KIF16B: variants seen among roughly 807,000 people sequenced by gnomAD.
The protein encoded by KIF16B is kinesin-like protein KIF16B.
A neutral mutation model predicts 156.3 loss-of-function variants in KIF16B; 98 were observed. The ratio of observed to expected loss-of-function variants is 0.63; its 90% CI spans 0.53 to 0.74. KIF16B has a LOEUF of 0.74. KIF16B is among the 30% of genes least tolerant of loss of function. The pLI is 0.00. For synonymous variants in KIF16B, 564 were observed against 583.7 expected, an observed-to-expected ratio of 0.97 and a Z score of 0.49; for missense variants, 1,421 against 1,606.5, an observed-to-expected ratio of 0.88 and a Z score of 1.97.
chr20:16,372,972 A>G (rs2064859641), intron 20 of KIF16B, among the ~76,000 whole-genome samples: 1 of 152,216 alleles, frequency 6.6e-6, no homozygotes, highest in African/African-American at 2.4e-5. Flanking sequence ...TGCTGGGATT[A>G]TAGGCGTCAG....
At chr20:16,571,201 G>C (rs560656814) in intron 1 of KIF16B, among the ~76,000 whole-genome samples, 2 of 151,994 alleles carry the variant, frequency 1.3e-5, no homozygotes, top group Non-Finnish European at 2.9e-5. Flanking sequence ...CTCTACACTC[G>C]CATTCTTCCC....
rs369889228 is a variant in KIF16B at position 16,561,322 on chromosome 20, T to C, written c.47+11907A>G. Reference sequence around the variant, plus strand: ...AAAAAGTAGTAGAGAGTAGAAAATATCAGCATGCATTGAGCAGATGAATGT... The same window carrying C: ...AAAAAGTAGTAGAGAGTAGAAAATACCAGCATGCATTGAGCAGATGAATGT... On this transcript the variant is annotated intron_variant, in intron 1 of 25. Coordinates refer to ENST00000354981, the MANE Select transcript of KIF16B (RefSeq NM_024704.5). 6.2e-4 allele frequency among the ~76,000 whole-genome samples: 95 copies of C among 152,194 alleles called. 1 individual carries two copies. The South Asian group carries it at 0.015, about 25-fold the overall frequency.
At chr20:16,563,738 G>A (rs531019496) in intron 1 of KIF16B, among the ~76,000 whole-genome samples, 26 of 152,226 alleles carry the variant, frequency 1.7e-4, no homozygotes, top group African/African-American at 6.3e-4. Context: ...TAAAGCAACA[G>A]AAGTTTAAAA....
At chr20:16,298,961 A>G (rs1310792848) in intron 25 of KIF16B, among the ~76,000 whole-genome samples, 1 of 152,176 alleles carries the variant, frequency 6.6e-6, no homozygotes, top group African/African-American at 2.4e-5. Flanking sequence ...AGAAAGACGT[A>G]TCAACCAATG....
chr20:16,460,667 T>C (rs2067323056), intron 12 of KIF16B, among the ~76,000 whole-genome samples: 1 of 151,314 alleles, frequency 6.6e-6, no homozygotes, highest in African/African-American at 2.4e-5. Flanking sequence ...ATCCAATAGA[T>C]AAATCAAAAT....
chr20:16,307,153 T>C (rs2063552560), intron 25 of KIF16B, among the ~76,000 whole-genome samples: 1 of 152,222 alleles, frequency 6.6e-6, no homozygotes, highest in Non-Finnish European at 1.5e-5. Context: ...AGCTTCTTAC[T>C]TCCAAAAGTG....
intron 17 of KIF16B, among the ~76,000 whole-genome samples, chr20:16,400,407 G>A (rs375267065): frequency 5.3e-5 from 8 of 152,298 alleles, no homozygotes; most frequent in Middle Eastern, 3.4e-3. Context: ...GTGCCCTGTT[G>A]GTGGGAATGC....
chr20:16,363,914 C>T (rs1256948983), intron 22 of KIF16B, among the ~76,000 whole-genome samples: 4 of 152,216 alleles, frequency 2.6e-5, no homozygotes, highest in South Asian at 4.1e-4. Flanking sequence ...AGGAATGAGG[C>T]AGAGTTGTCT....
chr20:16,291,870 C>T (rs1218260871), intron 25 of KIF16B, among the ~76,000 whole-genome samples: 1 of 151,960 alleles, frequency 6.6e-6, no homozygotes, highest in Non-Finnish European at 1.5e-5. Flanking sequence ...TACCGCACAC[C>T]CTGGAGATAT....
intron 23 of KIF16B, among the ~76,000 whole-genome samples, chr20:16,353,956 C>T (rs558244825): frequency 1.6e-4 from 24 of 152,222 alleles, no homozygotes; most frequent in Non-Finnish European, 2.9e-4. Flanking sequence ...AAAAAGGAAG[C>T]GGAACAATGA....
chr20:16,467,234 C>A (rs2067516382), intron 12 of KIF16B, among the ~76,000 whole-genome samples: 1 of 152,130 alleles, frequency 6.6e-6, no homozygotes, highest in South Asian at 2.1e-4. Flanking sequence ...CTGTGAAGTT[C>A]AACAGGGGCA....
At chr20:16,408,456 A>T (rs2065840543) in intron 15 of KIF16B, among the ~76,000 whole-genome samples, 1 of 152,192 alleles carries the variant, frequency 6.6e-6, no homozygotes, top group Non-Finnish European at 1.5e-5. Context: ...AAAGCTAAGC[A>T]GCCACGTCTA....
At position 16,497,640 on chromosome 20, in the gene KIF16B, C is replaced by T; in HGVS notation, c.1215G>A (p.Glu405=). ...LLDSPTALSM[E]EKLQQNEARV... is the part of the protein sequence containing the mutation. ...TTGCTTCATTCTGCTGAAGTTTTTC[C>T]TCCATACTTAAAGCTGTGGGGGAGT... The change falls in exon 11 of 26, where the codon GAG becomes GAA. Residue 405 remains glutamate (E), a synonymous_variant. Coordinates refer to ENST00000354981, the MANE Select transcript of KIF16B (RefSeq NM_024704.5). 6.2e-7 allele frequency: 1 copy of T among 1,611,716 alleles called. No homozygotes were observed. The highest frequency in any genetic ancestry group is 1.1e-5 in the South Asian group (1 of 91,006).
chr20:16,287,837 T>C (rs970512345), intron 25 of KIF16B, among the ~76,000 whole-genome samples: 44 of 151,984 alleles, frequency 2.9e-4, no homozygotes, highest in African/African-American at 9.4e-4. Flanking sequence ...TGGAGGCGGG[T>C]GGAAAGAGAA....
At chr20:16,536,959 C>A (rs2069991464) in intron 1 of KIF16B, among the ~76,000 whole-genome samples, 1 of 152,072 alleles carries the variant, frequency 6.6e-6, no homozygotes, top group Admixed American at 6.6e-5. Flanking sequence ...ACCCAACATT[C>A]AGTTACCTAG....
chr20:16,522,619 A>G (rs1440871749), intron 3 of KIF16B, among the ~76,000 whole-genome samples: 1 of 152,324 alleles, frequency 6.6e-6, no homozygotes, highest in South Asian at 2.1e-4. Flanking sequence ...AACGTGACAG[A>G]AAATTAACAA....
intron 12 of KIF16B, among the ~76,000 whole-genome samples, chr20:16,463,184 A>T (rs560463590): frequency 1.3e-5 from 2 of 152,058 alleles, no homozygotes; most frequent in Non-Finnish European, 2.9e-5. Context: ...CAGGAAAGAG[A>T]GCTTTTCTCT....
At position 16,404,713 on chromosome 20, in the gene KIF16B, C is replaced by T. The variant is rs903634028; in HGVS notation, c.1784+100G>A. On this transcript the variant is annotated intron_variant, in intron 17 of 25. Coordinates refer to ENST00000354981, the MANE Select transcript of KIF16B (RefSeq NM_024704.5). Reference sequence around the variant, plus strand: ...GGTGGCTGATTTGATAAGGAGGCGCCGTTGCAGAAGTTTTATTTTTACCTT... The same window carrying T: ...GGTGGCTGATTTGATAAGGAGGCGCTGTTGCAGAAGTTTTATTTTTACCTT... 2.7e-5 allele frequency: 23 copies of T among 857,204 alleles called. No homozygotes were observed. In the East Asian group the frequency reaches 4.7e-4, roughly 18 times the overall value. 53.1% of individuals were successfully genotyped at this position (857,204 alleles called of 1,614,324 possible).
chr20:16,448,128 T>C (rs1361207618), intron 12 of KIF16B, among the ~76,000 whole-genome samples: 1 of 152,148 alleles, frequency 6.6e-6, no homozygotes, highest in African/African-American at 2.4e-5. Context: ...CCCATTGATA[T>C]TGCTCTTTCT....
Sources: gnomAD v4.1 joint callset for allele counts (sites outside exome capture counted in the v4.1 genomes callset) on GRCh38, gnomAD v4.1.1 for gene constraint, MANE v1.5 for transcripts, NCBI Gene and HGNC (gene_info 2026-07-23, HGNC 2026-07-21) for gene names.